CWC27: variants seen among roughly 807,000 people sequenced by gnomAD.
The protein encoded by CWC27 is spliceosome-associated protein CWC27 homolog.
A neutral mutation model predicts 63.6 loss-of-function variants in CWC27; 47 were observed. The ratio of observed to expected loss-of-function variants is 0.74; its 90% CI spans 0.58 to 0.94. The LOEUF (loss-of-function observed/expected upper bound fraction) is 0.94, where lower values mean the gene tolerates loss of function less well. CWC27 is among the 40% of genes least tolerant of loss of function. CWC27 has a pLI of 0.00. For missense variants in CWC27, 495 were observed against 554.3 expected, an observed-to-expected ratio of 0.89 and a Z score of 1.07; for synonymous variants, 175 against 179.8, an observed-to-expected ratio of 0.97 and a Z score of 0.22.
intron 10 of CWC27, among the ~76,000 whole-genome samples, chr5:64,837,065 A>G (rs1293672548): frequency 6.6e-6 from 1 of 152,126 alleles, no homozygotes; most frequent in African/African-American, 2.4e-5. Flanking sequence ...TCATGTCTGC[A>G]GTAAGACATT....
At chr5:64,956,999 G>A (rs1256919584) in intron 11 of CWC27, among the ~76,000 whole-genome samples, 1 of 152,058 alleles carries the variant, frequency 6.6e-6, no homozygotes, top group Non-Finnish European at 1.5e-5. Flanking sequence ...TTATATTTTA[G>A]AAGCTACTTT....
chr5:64,807,541 A>G (rs752880458), intron 10 of CWC27: 9 of 1,461,650 alleles, frequency 6.2e-6, no homozygotes, highest in East Asian at 2.5e-5. Flanking sequence ...ACTTCCTAGG[A>G]TTTCTAATCC....
At chr5:64,967,954 A>G (rs1276020829) in intron 11 of CWC27, among the ~76,000 whole-genome samples, 1 of 152,024 alleles carries the variant, frequency 6.6e-6, no homozygotes, top group African/African-American at 2.4e-5. Flanking sequence ...TCTTTGAAAG[A>G]TATACTTAAG....
intron 11 of CWC27, among the ~76,000 whole-genome samples, chr5:64,892,369 A>C (rs1269428274): frequency 6.6e-6 from 1 of 152,188 alleles, no homozygotes; most frequent in Non-Finnish European, 1.5e-5. Context: ...TTATTTAAAA[A>C]AAAAAGCTGT....
intron 2 of CWC27, among the ~76,000 whole-genome samples, chr5:64,776,159 G>C (rs934110657): frequency 6.7e-5 from 10 of 149,184 alleles, no homozygotes; most frequent in Admixed American, 5.4e-4. Context: ...ATTAATAATT[G>C]CTGTGGCAGG....
chr5:64,922,769 A>C (rs1253636788), intron 11 of CWC27, among the ~76,000 whole-genome samples: 2 of 152,020 alleles, frequency 1.3e-5, no homozygotes, highest in Admixed American at 1.3e-4. Context: ...TATCCTTTGA[A>C]GTTGTTTTCC....
chr5:64,770,756 A>G (rs1475514258), intron 1 of CWC27, among the ~76,000 whole-genome samples: 4 of 152,068 alleles, frequency 2.6e-5, no homozygotes, highest in Admixed American at 2.6e-4. Context: ...TTAATACTAT[A>G]TTTTTCTTAG....
In CWC27 at chr5:64,970,776, A is replaced by G. The variant is rs181233226; in HGVS notation, c.1043-927A>G. Among the ~76,000 whole-genome samples, 294 of 152,220 alleles carry G rather than the reference A, an allele frequency of 1.9e-3. 2 individuals are homozygous for G. Among genetic ancestry groups the G allele is most frequent in the African/African-American group, 5.7e-3 (238 of 41,552 alleles). On this transcript the variant is annotated intron_variant, in intron 11 of 13. Coordinates refer to ENST00000381070, the MANE Select transcript of CWC27 (RefSeq NM_005869.4). ...CTTAGTTCAAATTTTTTTTTTGACC[A>G]GAAAATCTCTTGAACAAAATGGCTG...
intron 13 of CWC27, among the ~76,000 whole-genome samples, chr5:64,986,282 G>A (rs947046217): frequency 6.6e-6 from 1 of 152,126 alleles, no homozygotes; most frequent in Admixed American, 6.5e-5. Flanking sequence ...CTTCCAAAGT[G>A]TCTCTACCAT....
intron 10 of CWC27, among the ~76,000 whole-genome samples, chr5:64,820,408 T>A (rs1413340145): frequency 6.6e-6 from 1 of 152,198 alleles, no homozygotes; most frequent in Non-Finnish European, 1.5e-5. Flanking sequence ...GTTGTTGTTG[T>A]TGTTGTTATA....
chr5:64,998,810 G>A lies in CWC27; in HGVS notation c.1257-19349G>A, dbSNP rs185213675. On this transcript the variant is annotated intron_variant, in intron 13 of 13. Coordinates refer to ENST00000381070, the MANE Select transcript of CWC27 (RefSeq NM_005869.4). Reference sequence around the variant, plus strand: ...TTTCTATTCTTATTTTTTTGTTCAAGTATTTTAAAATTTTTTGTTCTTATT... The same window carrying A: ...TTTCTATTCTTATTTTTTTGTTCAAATATTTTAAAATTTTTTGTTCTTATT... 4.3e-4 allele frequency among the ~76,000 whole-genome samples: 65 copies of A among 151,664 alleles called. 1 individual carries two copies. The highest frequency in any genetic ancestry group is 4.1e-3 in the Admixed American group (62 of 15,240).
chr5:64,862,425 A>G (rs1746433145), intron 10 of CWC27, among the ~76,000 whole-genome samples: 1 of 152,232 alleles, frequency 6.6e-6, no homozygotes, highest in African/African-American at 2.4e-5. Flanking sequence ...GGATTAAACA[A>G]TGATTGATAG....
At chr5:64,885,404 AAT>A (rs1414306609) in intron 10 of CWC27, 37 bp from the exon 11 acceptor site, 1 of 1,402,172 alleles carries the variant, frequency 7.1e-7, no homozygotes, top group South Asian at 1.4e-5. Flanking sequence ...TTTTACTCTC[AAT>A]ATATTATATA....
At position 64,769,493 on chromosome 5, in the gene CWC27, G is replaced by T. The variant is rs1420772095; in HGVS notation, c.42+305G>T. ...TTTTTAAACAGACATTTTTGAGTTT[G>T]ATATATTCTTTGCTTAACTAAGGTC... is the stretch of plus-strand genomic sequence containing the variant. On this transcript the variant is annotated intron_variant, in intron 1 of 13. Coordinates refer to ENST00000381070, the MANE Select transcript of CWC27 (RefSeq NM_005869.4). Among the ~76,000 whole-genome samples, 5 of 152,272 alleles carry T rather than the reference G, an allele frequency of 3.3e-5. No homozygotes were observed. The East Asian group carries it at 9.6e-4, about 29-fold the overall frequency.
intron 10 of CWC27, among the ~76,000 whole-genome samples, chr5:64,830,422 T>C (rs1745488136): frequency 6.6e-6 from 1 of 152,024 alleles, no homozygotes; most frequent in African/African-American, 2.4e-5. Context: ...TATAGAAAAA[T>C]TAATTCAAGA....
intron 11 of CWC27, among the ~76,000 whole-genome samples, chr5:64,948,254 C>T (rs746306993): frequency 6.6e-6 from 1 of 151,848 alleles, no homozygotes; most frequent in African/African-American, 2.4e-5. Flanking sequence ...GGGATGGCAT[C>T]GACTAGAAAA....
At chr5:64,811,354 C>T (rs1167809478) in intron 10 of CWC27, among the ~76,000 whole-genome samples, 1 of 151,806 alleles carries the variant, frequency 6.6e-6, no homozygotes, top group Admixed American at 6.6e-5. Context: ...ATAAGTGGAC[C>T]AGATAGTAAA....
At chr5:64,884,118 A>G (rs1258861990) in intron 10 of CWC27, 1 of 152,160 alleles carries the variant, frequency 6.6e-6, no homozygotes, top group Non-Finnish European at 1.5e-5. Flanking sequence ...ATGAGTGCTG[A>G]TGAGGTCATC....
intron 13 of CWC27, among the ~76,000 whole-genome samples, chr5:65,014,070 T>C (rs1405783693): frequency 6.6e-6 from 1 of 151,696 alleles, no homozygotes; most frequent in Non-Finnish European, 1.5e-5. Flanking sequence ...GAAAAATCAG[T>C]TGTTTACTTC....
Sources: gnomAD v4.1 joint callset for allele counts (sites outside exome capture counted in the v4.1 genomes callset) on GRCh38, gnomAD v4.1.1 for gene constraint, MANE v1.5 for transcripts, NCBI Gene and HGNC (gene_info 2026-07-23, HGNC 2026-07-21) for gene names.